PRRT2: variants seen among roughly 807,000 people sequenced by gnomAD.
PRRT2 encodes proline rich transmembrane protein 2.
PRRT2 carries 9 observed loss-of-function variants against 24.7 expected under a neutral mutation model. That is an observed-to-expected ratio of 0.36 (90% CI 0.22 to 0.64). The LOEUF (loss-of-function observed/expected upper bound fraction) is 0.64, where lower values mean the gene tolerates loss of function less well. PRRT2 is among the 30% of genes least tolerant of loss of function. The pLI is 0.65. For synonymous variants in PRRT2, 195 were observed against 175.5 expected (o/e 1.11, Z -0.88); for missense variants, 460 against 435.0 (o/e 1.06, Z -0.51).
Position 29,814,427 on chromosome 16 carries a change from T to C in PRRT2, c.974T>C (p.Val325Ala), listed in dbSNP as rs779770451. 6.9e-6 allele frequency: 11 copies of C among 1,602,878 alleles called. No homozygotes were observed. The African/African-American group carries it at 1.5e-4, about 22-fold the overall frequency. ...AGCATCGTGGCGCTGGTGGGGGGAG[T>C]CCTCATCATCATCGCCTCCTGCGTC... is the stretch of plus-strand genomic sequence containing the variant. ...LLSIVALVGG[V>A]LIIIASCVIN... is the part of the protein sequence containing the mutation. The change falls in exon 3 of 4, where the codon GTC (valine) becomes GCC (alanine). Residue 325 changes from valine (V) to alanine (A), a missense_variant. Val to Ala is a moderately conservative substitution (Grantham distance 64, BLOSUM62 0). This residue lies in a region of PRRT2 where 64 missense variants were observed against 71.2 expected (regional missense o/e 0.90). Coordinates refer to ENST00000358758, the MANE Select transcript of PRRT2 (RefSeq NM_145239.3). The surrounding 1 kb of genome is among the most constrained non-coding windows in gnomAD (Gnocchi z 4.1).
At chr16:29,812,848 A>G in intron 1 of PRRT2, 142 bp from the exon 2 acceptor site, 1 of 558,310 alleles carries the variant, frequency 1.8e-6, no homozygotes, top group Non-Finnish European at 3.1e-6. Flanking sequence ...TCCCACCCTA[A>G]GGCAAAGGAA....
At position 29,813,500 on chromosome 16, in the gene PRRT2, A is replaced by C. The variant is rs1183608934; in HGVS notation, c.446A>C (p.Gln149Pro). ...APQPDPRPDS[Q>P]PTPKPALQPE... ...CAACCAGACCCCCGGCCAGATTCCCAGCCTACCCCCAAGCCAGCCCTTCAA... is the reference window on the plus strand; with the variant it reads ...CAACCAGACCCCCGGCCAGATTCCCCGCCTACCCCCAAGCCAGCCCTTCAA... The change falls in exon 2 of 4, where the codon CAG (glutamine) becomes CCG (proline). Residue 149 changes from glutamine to proline, a missense_variant. Physicochemically the swap from Gln to Pro is moderately conservative, Grantham distance 76. Coordinates refer to ENST00000358758, the MANE Select transcript of PRRT2 (RefSeq NM_145239.3). 6.2e-7 allele frequency: 1 copy of C among 1,613,082 alleles called. No individual in the cohort carries two copies. The highest frequency in any genetic ancestry group is 1.3e-5 in the African/African-American group (1 of 74,706).
In PRRT2 at chr16:29,813,196, C is replaced by T. The variant is rs1900064670; in HGVS notation, c.142C>T (p.Pro48Ser). 6.2e-7 allele frequency: 1 copy of T among 1,613,832 alleles called. No homozygotes were observed. The highest frequency in any genetic ancestry group is 8.5e-7 in the Non-Finnish European group (1 of 1,180,010). The change falls in exon 2 of 4, where the codon CCG becomes TCG. Residue 48 changes from proline (P) to serine (S), a missense_variant. Pro to Ser is a moderately conservative substitution (Grantham distance 74). Coordinates refer to ENST00000358758, the MANE Select transcript of PRRT2 (RefSeq NM_145239.3). ...AGGGGTACCAGACCAGCCAGAGGCC[C>T]CGCAGCCAGGTCCAAACACCACTGC... ...LAGVPDQPEAPQPGPNTTAAP... is the reference protein window; with the variant it reads ...LAGVPDQPEASQPGPNTTAAP...
Position 29,814,223 on chromosome 16 carries a change from A to C in PRRT2, c.880-110A>C. Reference sequence around the variant, plus strand: ...ACTCCTCCTTCCTCCCTTACCCGCCATCTATGGGGCTGGCCTCTCTCTCTT... The same window carrying C: ...ACTCCTCCTTCCTCCCTTACCCGCCCTCTATGGGGCTGGCCTCTCTCTCTT... On this transcript the variant is annotated intron_variant, in intron 2 of 3. Transcript: ENST00000358758. This position sits in a 1 kb window ranked among gnomAD's most constrained non-coding sequence, Gnocchi z 4.1. 1.3e-6 allele frequency: 2 copies of C among 1,486,684 alleles called. No individual in the cohort carries two copies. Among genetic ancestry groups the C allele is most frequent in the Non-Finnish European group, 1.8e-6 (2 of 1,126,760 alleles). The allele number at this position is 1,486,684 out of a possible 1,614,324, so 92.1% of individuals were successfully genotyped here.
rs201887920 is a variant in PRRT2, at chr16:29,813,939, C to A, written c.879+6C>A. 35 of 1,570,356 alleles carry A rather than the reference C, an allele frequency of 2.2e-5. No homozygotes were observed. The African/African-American group carries it at 4.8e-4, about 21-fold the overall frequency. ...CCTTCGCTTATGCTGTCATGGTGAG[C>A]CCCATGGGACCCTAGCCCAGGCCTG... On this transcript the variant is annotated splice_donor_region_variant and intron_variant, in intron 2 of 3. Transcript: ENST00000358758.
Position 29,814,150 on chromosome 16 carries a change from C to T in PRRT2, c.880-183C>T, listed in dbSNP as rs921346454. 22 of 1,489,252 alleles carry T rather than the reference C, an allele frequency of 1.5e-5. No individual in the cohort carries two copies. In the East Asian group the frequency reaches 2.6e-4, roughly 17 times the overall value. 92.3% of individuals were successfully genotyped at this position (1,489,252 alleles called of 1,614,324 possible). A position where few individuals can be genotyped will look rare whatever the true frequency, so the allele number is the denominator to read the frequency against. On this transcript the variant is annotated intron_variant, in intron 2 of 3. Coordinates refer to ENST00000358758, the MANE Select transcript of PRRT2 (RefSeq NM_145239.3). This position sits in a 1 kb window ranked among gnomAD's most constrained non-coding sequence, Gnocchi z 4.1. ...TTTGGGTGGGAGGGATATGGAAACA[C>T]GTGTCACACAGCCTCGCTGACCTGT...
rs1244998038 is a variant in PRRT2 at position 29,815,369 on chromosome 16, T to TG, written c.*735dup. ...CAGAGTTGGCAAGCCGGGCCTCGTA[T>TG]GGGGACTCGGGTGAGGGTGGCGAGT... On this transcript the variant is annotated 3_prime_UTR_variant, in exon 4 of 4. Coordinates refer to ENST00000358758, the MANE Select transcript of PRRT2 (RefSeq NM_145239.3). 5 of 152,454 alleles carry TG rather than the reference T, an allele frequency of 3.3e-5. No individual in the cohort carries two copies. The highest frequency in any genetic ancestry group is 4.8e-5 in the African/African-American group (2 of 41,328). The allele number at this position is 152,454 out of a possible 1,614,324, so 9.4% of individuals were successfully genotyped here. A position where few individuals can be genotyped will look rare whatever the true frequency, so the allele number is the denominator to read the frequency against.
Position 29,814,155 on chromosome 16 carries a change from C to T in PRRT2, c.880-178C>T. 6.7e-7 allele frequency: 1 copy of T among 1,490,308 alleles called. No individual in the cohort carries two copies. Among genetic ancestry groups the T allele is most frequent in the Non-Finnish European group, 8.9e-7 (1 of 1,129,210 alleles). 92.3% of individuals were successfully genotyped at this position (1,490,308 alleles called of 1,614,324 possible). A position where few individuals can be genotyped will look rare whatever the true frequency, so the allele number is the denominator to read the frequency against. On this transcript the variant is annotated intron_variant, in intron 2 of 3. Transcript: ENST00000358758. The surrounding 1 kb of genome is among the most constrained non-coding windows in gnomAD (Gnocchi z 4.1). Reference sequence around the variant, plus strand: ...GTGGGAGGGATATGGAAACACGTGTCACACAGCCTCGCTGACCTGTGCCCT... The same window carrying T: ...GTGGGAGGGATATGGAAACACGTGTTACACAGCCTCGCTGACCTGTGCCCT...
chr16:29,812,965 C>A, intron 1 of PRRT2, 25 bp from the exon 2 acceptor site: 2 of 1,428,828 alleles, frequency 1.4e-6, no homozygotes, highest in South Asian at 1.4e-5. Flanking sequence ...CCTCCTCACC[C>A]CAAGCCTATC....
In PRRT2 at chr16:29,813,264, A is replaced by G. The variant is rs774824201; in HGVS notation, c.210A>G (p.Glu70=). The G allele has an allele frequency of 5.0e-6, 8 of 1,613,916 alleles. No homozygotes were observed. Among genetic ancestry groups the G allele is most frequent in the Non-Finnish European group, 6.8e-6 (8 of 1,179,974 alleles). Residue 70 remains glutamate (E), a synonymous_variant, in exon 2 of 4, where the codon GAA becomes GAG. Coordinates refer to ENST00000358758, the MANE Select transcript of PRRT2 (RefSeq NM_145239.3). ...GGCCCAAGGCTGGGCTGGCTCCAGA[A>G]ACCACAGAGACCCCGGCTGGGGCCT... ...DSGPKAGLAP[E]TTETPAGASE... is the part of the protein sequence containing the mutation.
In PRRT2 at chr16:29,813,342, G is replaced by A. The variant is rs746270404; in HGVS notation, c.288G>A (p.Lys96=). ...GCTTAAGCCCAGGAGGGGAATCAAA[G>A]GCCAACTGCAGCCCCGAAGACCCAT... The part of the protein sequence containing the change: ...DLSLSPGGES[K]ANCSPEDPCQ... Residue 96 remains lysine (K), a synonymous_variant, in exon 2 of 4, where the codon AAG becomes AAA. Transcript: ENST00000358758. 2 of 1,614,120 alleles carry A rather than the reference G, an allele frequency of 1.2e-6. No homozygotes were observed. The highest frequency in any genetic ancestry group is 1.7e-6 in the Non-Finnish European group (2 of 1,180,010).
In PRRT2 at chr16:29,813,008, C is replaced by G; in HGVS notation, c.-47C>G. On this transcript the variant is annotated 5_prime_UTR_variant, in exon 2 of 4. Coordinates refer to ENST00000358758, the MANE Select transcript of PRRT2 (RefSeq NM_145239.3). ...CTTCCAGGGTTTGCCGCTGTCTCTG[C>G]TATTCCATCCTCCCCATAGGGGCTC... 6.5e-7 allele frequency: 1 copy of G among 1,541,498 alleles called. No homozygotes were observed. Among genetic ancestry groups the G allele is most frequent in the Non-Finnish European group, 8.7e-7 (1 of 1,146,554 alleles).
At position 29,815,147 on chromosome 16, in the gene PRRT2, C is replaced by G. The variant is rs1207088542; in HGVS notation, c.*509C>G. The G allele has an allele frequency of 6.3e-6, 1 of 158,930 alleles. No individual in the cohort carries two copies. The highest frequency in any genetic ancestry group is 2.4e-5 in the African/African-American group (1 of 41,564). 9.8% of individuals were successfully genotyped at this position (158,930 alleles called of 1,614,324 possible). A position where few individuals can be genotyped will look rare whatever the true frequency, so the allele number is the denominator to read the frequency against. On this transcript the variant is annotated 3_prime_UTR_variant, in exon 4 of 4. Transcript: ENST00000358758. ...TTCCTCTCCACGTCCCGCCCCCTTC[C>G]TCTTCCTGCCTCCTCATCTCCCTTA... is the stretch of plus-strand genomic sequence containing the variant.
rs746547849 is a variant in PRRT2, at chr16:29,813,556, CCT to C, written c.503_504del (p.Pro168ArgfsTer5). On this transcript the variant is annotated frameshift_variant, in exon 2 of 4. Transcript: ENST00000358758. LOFTEE classifies it high-confidence loss of function. ...PELPTQEDPT[P>X]EILSESVGEK... Reference sequence around the variant, plus strand: ...GCTCCCTACCCAGGAGGACCCCACCCCTGAGATTCTGTCTGAGAGTGTAGGGG... The same window carrying C: ...GCTCCCTACCCAGGAGGACCCCACCCGAGATTCTGTCTGAGAGTGTAGGGG... 6.2e-7 allele frequency: 1 copy of C among 1,613,838 alleles called. No homozygotes were observed. Among genetic ancestry groups the C allele is most frequent in the South Asian group, 1.1e-5 (1 of 91,080 alleles).
rs147452651 is a variant in PRRT2, at chr16:29,814,883, G to C, written c.*245G>C. 2.0e-6 allele frequency: 1 copy of C among 506,362 alleles called. No individual in the cohort carries two copies. The highest frequency in any genetic ancestry group is 3.5e-6 in the Non-Finnish European group (1 of 289,324). 31.4% of individuals were successfully genotyped at this position (506,362 alleles called of 1,614,324 possible). A position where few individuals can be genotyped will look rare whatever the true frequency, so the allele number is the denominator to read the frequency against. ...CTGCACTAATGCCTGCATCCCCTCC[G>C]GCCTCTTGGCCCCCTATCCCTGCAC... On this transcript the variant is annotated 3_prime_UTR_variant, in exon 4 of 4. Transcript: ENST00000358758. This position sits in a 1 kb window ranked among gnomAD's most constrained non-coding sequence, Gnocchi z 4.1.
Position 29,814,419 on chromosome 16 carries a change from G to T in PRRT2, c.966G>T (p.Val322=), listed in dbSNP as rs749980796. ...VAKLLSIVAL[V]GGVLIIIASC... is the part of the protein sequence containing the mutation. Reference sequence around the variant, plus strand: ...AGCTCTTAAGCATCGTGGCGCTGGTGGGGGGAGTCCTCATCATCATCGCCT... The same window carrying T: ...AGCTCTTAAGCATCGTGGCGCTGGTTGGGGGAGTCCTCATCATCATCGCCT... The change falls in exon 3 of 4, where the codon GTG becomes GTT. Residue 322 remains valine (V), a synonymous_variant. Coordinates refer to ENST00000358758, the MANE Select transcript of PRRT2 (RefSeq NM_145239.3). The surrounding 1 kb of genome is among the most constrained non-coding windows in gnomAD (Gnocchi z 4.1). The T allele has an allele frequency of 8.1e-6, 13 of 1,607,030 alleles. No individual in the cohort carries two copies. In the East Asian group the frequency reaches 8.9e-5, roughly 11 times the overall value.
At position 29,813,734 on chromosome 16, in the gene PRRT2, G is replaced by A. The variant is rs200849527; in HGVS notation, c.680G>A (p.Arg227Gln). 26 of 1,581,488 alleles carry A rather than the reference G, an allele frequency of 1.6e-5. No individual in the cohort carries two copies. The highest frequency in any genetic ancestry group is 4.6e-5 in the South Asian group (4 of 86,320). The change falls in exon 2 of 4, where the codon CGA becomes CAA. Residue 227 changes from arginine to glutamine, a missense_variant. Transcript: ENST00000358758. ...CTGCAGCAGCTGGTTGAGGAGGATC[G>A]AATGAGAAGGGCACACAGTGGGCAT... ...RVLQQLVEEDRMRRAHSGHPG... is the reference protein window; with the variant it reads ...RVLQQLVEEDQMRRAHSGHPG...
Position 29,814,897 on chromosome 16 carries a change from CT to C in PRRT2, c.*260del. On this transcript the variant is annotated 3_prime_UTR_variant, in exon 4 of 4. Transcript: ENST00000358758. This position sits in a 1 kb window ranked among gnomAD's most constrained non-coding sequence, Gnocchi z 4.1. ...GCATCCCCTCCGGCCTCTTGGCCCC[CT>C]ATCCCTGCACTTCTGGAAACCTCCC... 2.0e-6 allele frequency: 1 copy of C among 498,070 alleles called. No homozygotes were observed. Among genetic ancestry groups the C allele is most frequent in the Non-Finnish European group, 3.5e-6 (1 of 283,896 alleles). The allele number at this position is 498,070 out of a possible 1,614,324, so 30.9% of individuals were successfully genotyped here.
At position 29,813,193 on chromosome 16, in the gene PRRT2, G is replaced by A; in HGVS notation, c.139G>A (p.Ala47Thr). The A allele has an allele frequency of 6.2e-7, 1 of 1,613,916 alleles. No homozygotes were observed. Among genetic ancestry groups the A allele is most frequent in the South Asian group, 1.1e-5 (1 of 91,088 alleles). ...AGCAGGGGTACCAGACCAGCCAGAG[G>A]CCCCGCAGCCAGGTCCAAACACCAC... is the stretch of plus-strand genomic sequence containing the variant. The part of the protein sequence containing the change: ...VLAGVPDQPE[A>T]PQPGPNTTAA... Residue 47 changes from alanine to threonine, a missense_variant, in exon 2 of 4, where the codon GCC becomes ACC. Transcript: ENST00000358758.
Sources: gnomAD v4.1 joint callset for allele counts on GRCh38, gnomAD v4.1.1 for gene constraint, gnomAD v4.1.1 regional missense constraint, Gnocchi (gnomAD v3.1) non-coding constraint, MANE v1.5 for transcripts, NCBI Gene and HGNC (gene_info 2026-07-23, HGNC 2026-07-21) for gene names.